The following SDK1 variants were observed in gnomAD, a reference collection of about 807,000 sequenced individuals.
The protein encoded by SDK1 is protein sidekick-1.
SDK1 carries 157 observed loss-of-function variants against 245.5 expected under a neutral mutation model. The observed-to-expected ratio is 0.64, with a 90% CI of 0.56 to 0.73. The LOEUF (loss-of-function observed/expected upper bound fraction) is 0.73, where lower values mean the gene tolerates loss of function less well. SDK1 is among the 30% of genes least tolerant of loss of function. The pLI, the probability that SDK1 is intolerant of heterozygous loss-of-function variation, is 0.00. For synonymous variants in SDK1, 1,647 were observed against 1,278.5 expected (o/e 1.29, Z -6.15); for missense variants, 3,583 against 3,002.3 (o/e 1.19, Z -4.52).
At chr7:3,310,655 G>C (rs916964798) in intron 1 of SDK1, among the ~76,000 whole-genome samples, 1 of 152,138 alleles carries the variant, frequency 6.6e-6, no homozygotes, top group Non-Finnish European at 1.5e-5. Flanking sequence ...TAATGTGAGG[G>C]ACCTTTGAGG....
At chr7:3,778,812 G>A (rs895053796) in intron 4 of SDK1, among the ~76,000 whole-genome samples, 2 of 152,126 alleles carry the variant, frequency 1.3e-5, no homozygotes, top group Non-Finnish European at 2.9e-5. Flanking sequence ...CTGCAGGGTC[G>A]ATTTCAAAGT....
intron 40 of SDK1, among the ~76,000 whole-genome samples, chr7:4,231,897 G>T (rs114088479): frequency 0.012 from 1,777 of 152,274 alleles, 39 homozygotes; most frequent in African/African-American, 0.041. Flanking sequence ...CCATAAAGTA[G>T]TCAGCACGGG....
chr7:3,940,615 C>T (rs376965363), intron 5 of SDK1, among the ~76,000 whole-genome samples: 6 of 151,770 alleles, frequency 4.0e-5, no homozygotes, highest in Non-Finnish European at 5.9e-5. Flanking sequence ...GGCTGAGGCA[C>T]TTTGGGAGAC....
At position 4,149,368 on chromosome 7, in the gene SDK1, G is replaced by A; in HGVS notation, c.4530G>A (p.Arg1510=). 6.3e-7 allele frequency: 1 copy of A among 1,592,524 alleles called. No homozygotes were observed. Among genetic ancestry groups the A allele is most frequent in the Non-Finnish European group, 8.5e-7 (1 of 1,170,072 alleles). ...VPGSDGASPI[R]YFTMQVRELP... ...GCAGCGACGGGGCCTCCCCCATCCG[G>A]TACTTCACCATGCAGGTGCGAGAGC... Residue 1510 remains arginine, a synonymous_variant, in exon 30 of 45, where the codon CGG becomes CGA. Transcript: ENST00000404826.
chr7:3,677,572 A>G (rs555865098), intron 4 of SDK1, among the ~76,000 whole-genome samples: 24 of 152,356 alleles, frequency 1.6e-4, no homozygotes, highest in Admixed American at 1.4e-3. Context: ...CCCGTGATTC[A>G]ATTATCTCCA....
At chr7:3,931,113 G>A (rs890783181) in intron 5 of SDK1, among the ~76,000 whole-genome samples, 53 of 152,176 alleles carry the variant, frequency 3.5e-4, no homozygotes, top group African/African-American at 1.3e-3. Flanking sequence ...TAAGGATTCA[G>A]CCAAAGACAG....
At chr7:3,724,219 C>T (rs1272370710) in intron 4 of SDK1, among the ~76,000 whole-genome samples, 2 of 151,976 alleles carry the variant, frequency 1.3e-5, no homozygotes, top group East Asian at 3.9e-4. Context: ...CCCACCTTGG[C>T]CTCCCAAATT....
chr7:3,867,626 C>T (rs967816416), intron 5 of SDK1, among the ~76,000 whole-genome samples: 12 of 152,172 alleles, frequency 7.9e-5, no homozygotes, highest in African/African-American at 2.2e-4. Context: ...ACTATCACAA[C>T]AGCAGCATGA....
chr7:3,749,659 G>T lies in SDK1; in HGVS notation c.714-71791G>T, dbSNP rs118123030. The stretch of plus-strand genomic sequence containing the variant: ...TCAAAGTTCTGATACAAGGATAGAA[G>T]TGACTGCTGCCCTTCAGCCTCTTGC... On this transcript the variant is annotated intron_variant, in intron 4 of 44. Coordinates refer to ENST00000404826, the MANE Select transcript of SDK1 (RefSeq NM_152744.4). 8.5e-3 allele frequency among the ~76,000 whole-genome samples: 1,299 copies of T among 152,314 alleles called. 9 individuals carry two copies. The highest frequency in any genetic ancestry group is 0.045 in the Middle Eastern group (13 of 292).
intron 1 of SDK1, among the ~76,000 whole-genome samples, chr7:3,429,607 T>G (rs537165311): frequency 6.6e-6 from 1 of 151,948 alleles, no homozygotes; most frequent in African/African-American, 2.4e-5. Context: ...GCCTATTTTT[T>G]TTTTTTTTTG....
chr7:4,125,485 T>G (rs1407150485), intron 25 of SDK1, among the ~76,000 whole-genome samples: 1 of 142,778 alleles, frequency 7.0e-6, no homozygotes, highest in Non-Finnish European at 1.6e-5. Context: ...CTGGATGGAT[T>G]GATTGATGGA....
At chr7:3,969,928 C>G (rs1471829109) in intron 11 of SDK1, among the ~76,000 whole-genome samples, 2 of 152,168 alleles carry the variant, frequency 1.3e-5, no homozygotes, top group African/African-American at 2.4e-5. Flanking sequence ...TTCTAATATA[C>G]TAACTATCAA....
At chr7:3,429,336 A>T (rs977840176) in intron 1 of SDK1, among the ~76,000 whole-genome samples, 22 of 151,934 alleles carry the variant, frequency 1.4e-4, no homozygotes, top group African/African-American at 2.2e-4. Context: ...AGCAGGTGTT[A>T]TAGTTGTTAT....
At chr7:3,515,604 A>G (rs1421445254) in intron 1 of SDK1, among the ~76,000 whole-genome samples, 3 of 152,308 alleles carry the variant, frequency 2.0e-5, no homozygotes, top group South Asian at 2.1e-4. Context: ...GACTTCTCTT[A>G]TGCTCCAAAA....
intron 5 of SDK1, among the ~76,000 whole-genome samples, chr7:3,834,899 C>A (rs1390154494): frequency 6.6e-6 from 1 of 152,152 alleles, no homozygotes; most frequent in East Asian, 1.9e-4. Flanking sequence ...TCTGAGGATG[C>A]TGCTCACCGG....
At chr7:3,351,320 A>G (rs66819701) in intron 1 of SDK1, among the ~76,000 whole-genome samples, 30,875 of 152,138 alleles carry the variant, frequency 0.2, 3,453 homozygotes, top group African/African-American at 0.31. Flanking sequence ...TTACCTAACA[A>G]TTTATTGATA....
chr7:3,703,151 A>G (rs1418064713), intron 4 of SDK1, among the ~76,000 whole-genome samples: 1 of 152,212 alleles, frequency 6.6e-6, no homozygotes, highest in African/African-American at 2.4e-5. Context: ...GTGTCTACAC[A>G]AAATATGCTT....
At chr7:4,197,332 G>A (rs1235570836) in intron 35 of SDK1, among the ~76,000 whole-genome samples, 1 of 151,598 alleles carries the variant, frequency 6.6e-6, no homozygotes, top group Non-Finnish European at 1.5e-5. Context: ...AAGAAAGAAA[G>A]AAACAATTAG....
At chr7:3,302,759 C>T (rs1278301371) in intron 1 of SDK1, among the ~76,000 whole-genome samples, 2 of 152,122 alleles carry the variant, frequency 1.3e-5, no homozygotes, top group Admixed American at 1.3e-4. Flanking sequence ...GTCTTTAAAA[C>T]ACATTAGTGA....
Sources: gnomAD v4.1 joint callset for allele counts (sites outside exome capture counted in the v4.1 genomes callset) on GRCh38, gnomAD v4.1.1 for gene constraint, MANE v1.5 for transcripts, NCBI Gene and HGNC (gene_info 2026-07-23, HGNC 2026-07-21) for gene names.